CMSS1: variants seen among roughly 807,000 people sequenced by gnomAD.
CMSS1 encodes the protein protein CMSS1.
Under a neutral mutation model 43.5 loss-of-function variants are expected in CMSS1, and 33 were observed. The observed-to-expected ratio is 0.76, with a 90% CI of 0.57 to 1.01. The LOEUF (loss-of-function observed/expected upper bound fraction) is 1.01. CMSS1 is among the 50% of genes least tolerant of loss of function. The pLI, the probability that CMSS1 is intolerant of heterozygous loss-of-function variation, is 0.00. For missense variants in CMSS1, 313 were observed against 326.4 expected, an observed-to-expected ratio of 0.96 and a Z score of 0.32; for synonymous variants, 115 against 117.2, an observed-to-expected ratio of 0.98 and a Z score of 0.12.
In CMSS1 at chr3:99,876,098, G is replaced by T. The variant is rs1239027880; in HGVS notation, c.64+58055G>T. On this transcript the variant is annotated intron_variant, in intron 1 of 9. Coordinates refer to ENST00000421999, the MANE Select transcript of CMSS1 (RefSeq NM_032359.4). Reference sequence around the variant, plus strand: ...TGAACTGCCTGCGCCGGGGCCGGGCGGGGGCCGGGCCGGGGCCGCTGTAGT... The same window carrying T: ...TGAACTGCCTGCGCCGGGGCCGGGCTGGGGCCGGGCCGGGGCCGCTGTAGT... 44 of 986,236 alleles carry T rather than the reference G, an allele frequency of 4.5e-5. 1 individual carries two copies. Among genetic ancestry groups the T allele is most frequent in the Non-Finnish European group, 5.2e-5 (43 of 830,366 alleles). The allele number at this position is 986,236 out of a possible 1,614,324, so 61.1% of individuals were successfully genotyped here.
intron 1 of CMSS1, among the ~76,000 whole-genome samples, chr3:100,052,871 G>T (rs2065397572): frequency 6.6e-6 from 1 of 152,042 alleles, no homozygotes; most frequent in East Asian, 1.9e-4. Context: ...ATCCTTAAGT[G>T]CCTTGTTATT....
At chr3:100,020,244 TA>T (rs1281132287) in intron 1 of CMSS1, among the ~76,000 whole-genome samples, 2 of 152,224 alleles carry the variant, frequency 1.3e-5, no homozygotes, top group Non-Finnish European at 2.9e-5. Flanking sequence ...CTTTGCAATT[TA>T]CTTCACTATT....
chr3:99,999,033 C>G (rs556114459), intron 1 of CMSS1, among the ~76,000 whole-genome samples: 1 of 152,338 alleles, frequency 6.6e-6, no homozygotes, highest in African/African-American at 2.4e-5. Flanking sequence ...CTCTGTGAAG[C>G]CTTCCGTGCC....
At chr3:100,082,401 A>T (rs2065946245) in intron 1 of CMSS1, among the ~76,000 whole-genome samples, 1 of 152,224 alleles carries the variant, frequency 6.6e-6, no homozygotes, top group Admixed American at 6.5e-5. Flanking sequence ...ATTTTTTGTC[A>T]TCACAGATAA....
intron 1 of CMSS1, among the ~76,000 whole-genome samples, chr3:100,006,708 CT>C (rs1458388406): frequency 4.0e-5 from 6 of 150,796 alleles, no homozygotes; most frequent in African/African-American, 1.5e-4. Context: ...AGCATAGTGA[CT>C]CCCAGAGTTT....
At position 99,849,352 on chromosome 3, in the gene CMSS1, C is replaced by A. The variant is rs746318060; in HGVS notation, c.64+31309C>A. 9.3e-6 allele frequency: 15 copies of A among 1,614,070 alleles called. No individual in the cohort carries two copies. Among genetic ancestry groups the A allele is most frequent in the Non-Finnish European group, 1.3e-5 (15 of 1,180,004 alleles). On this transcript the variant is annotated intron_variant, in intron 1 of 9. Transcript: ENST00000421999. ...AGGCCTGAGGCTCTTACTGAAATGC[C>A]GGTACCTCTCTAACTCCTTAGTGAG...
At chr3:100,119,726 A>G (rs955290027) in intron 1 of CMSS1, among the ~76,000 whole-genome samples, 3 of 152,242 alleles carry the variant, frequency 2.0e-5, no homozygotes, top group Non-Finnish European at 4.4e-5. Context: ...AATTACACAT[A>G]TTAAACCAAT....
intron 1 of CMSS1, among the ~76,000 whole-genome samples, chr3:100,039,566 A>C (rs2065166152): frequency 6.6e-6 from 1 of 152,208 alleles, no homozygotes; most frequent in Admixed American, 6.5e-5. Context: ...GAAAAGCCAG[A>C]TACCAAATAA....
chr3:100,105,841 G>A (rs9837602), intron 1 of CMSS1, among the ~76,000 whole-genome samples: 27,680 of 152,132 alleles, frequency 0.18, 2,897 homozygotes, highest in South Asian at 0.25. Flanking sequence ...TGGGATGCAA[G>A]TAGTTTTTTG....
At chr3:99,933,381 G>C (rs544294924) in intron 1 of CMSS1, among the ~76,000 whole-genome samples, 1 of 152,102 alleles carries the variant, frequency 6.6e-6, no homozygotes, top group Non-Finnish European at 1.5e-5. Flanking sequence ...GGCATAGAAG[G>C]GATATTTTTG....
intron 1 of CMSS1, among the ~76,000 whole-genome samples, chr3:99,991,149 C>T (rs1443082366): frequency 6.6e-6 from 1 of 152,120 alleles, no homozygotes; most frequent in African/African-American, 2.4e-5. Context: ...GAAATATGCC[C>T]ATTCTCATTC....
At position 99,987,421 on chromosome 3, in the gene CMSS1, C is replaced by T. The variant is rs186495916; in HGVS notation, c.65-159552C>T. The stretch of plus-strand genomic sequence containing the variant: ...GCATACACCTGTTATCTCAGCTACT[C>T]GGGAGGCTGAGACAGGAGACTCTCT... On this transcript the variant is annotated intron_variant, in intron 1 of 9. Transcript: ENST00000421999. Among the ~76,000 whole-genome samples, 564 of 149,446 alleles carry T rather than the reference C, an allele frequency of 3.8e-3. 4 individuals are homozygous for T. The highest frequency in any genetic ancestry group is 0.013 in the African/African-American group (531 of 40,460).
rs563960126 is a variant in CMSS1, at chr3:100,036,451, G to A, written c.65-110522G>A. Among the ~76,000 whole-genome samples, 48 of 152,252 alleles carry A rather than the reference G, an allele frequency of 3.2e-4. No homozygotes were observed. In the South Asian group the frequency reaches 6.9e-3, roughly 22 times the overall value. On this transcript the variant is annotated intron_variant, in intron 1 of 9. Transcript: ENST00000421999. The stretch of plus-strand genomic sequence containing the variant: ...CCTAATCTGAAACAACCTGAAGAGC[G>A]AAATAATTATAAAATGGAAGGTGAC...
intron 4 of CMSS1, among the ~76,000 whole-genome samples, chr3:100,163,122 A>T (rs1022517944): frequency 6.6e-6 from 1 of 152,156 alleles, no homozygotes. Context: ...TTGTGATTGT[A>T]TTTTTTTATT....
chr3:99,848,340 A>G, intron 1 of CMSS1: 2 of 1,614,178 alleles, frequency 1.2e-6, no homozygotes, highest in Non-Finnish European at 1.7e-6. Flanking sequence ...TTGGTGTGAT[A>G]GTAATACTGC....
At chr3:99,995,943 C>T (rs937083355) in intron 1 of CMSS1, among the ~76,000 whole-genome samples, 2 of 152,168 alleles carry the variant, frequency 1.3e-5, no homozygotes, top group Non-Finnish European at 2.9e-5. Context: ...TGTGTGAAGA[C>T]CTCTGACATG....
At chr3:99,847,750 T>G (rs1254822546) in intron 1 of CMSS1, among the ~76,000 whole-genome samples, 1 of 152,206 alleles carries the variant, frequency 6.6e-6, no homozygotes, top group Non-Finnish European at 1.5e-5. Context: ...GTAATTTTTA[T>G]TTATTTGAAC....
intron 1 of CMSS1, among the ~76,000 whole-genome samples, chr3:100,065,966 A>G (rs1313922376): frequency 6.6e-6 from 1 of 152,232 alleles, no homozygotes; most frequent in East Asian, 1.9e-4. Flanking sequence ...GGACCTTCTG[A>G]ATCAGAAACT....
chr3:99,863,340 C>T lies in CMSS1; in HGVS notation c.64+45297C>T, dbSNP rs112020341. On this transcript the variant is annotated intron_variant, in intron 1 of 9. Coordinates refer to ENST00000421999, the MANE Select transcript of CMSS1 (RefSeq NM_032359.4). ...GCTGCTCACCTCCTGCTATGTGACCCGGTAATAGGCCTCAAACTGGTACTG... is the reference window on the plus strand; with the variant it reads ...GCTGCTCACCTCCTGCTATGTGACCTGGTAATAGGCCTCAAACTGGTACTG... 2.1e-4 allele frequency among the ~76,000 whole-genome samples: 32 copies of T among 152,246 alleles called. 1 individual carries two copies. Among genetic ancestry groups the T allele is most frequent in the African/African-American group, 7.0e-4 (29 of 41,566 alleles).
Sources: allele counts gnomAD v4.1 joint callset (sites outside exome capture counted in the v4.1 genomes callset), GRCh38; gene constraint gnomAD v4.1.1; transcripts MANE v1.5; gene names NCBI Gene and HGNC (gene_info 2026-07-23, HGNC 2026-07-21).